The following CHMP1A variants were observed in gnomAD, a reference collection of about 807,000 sequenced individuals.
CHMP1A encodes the protein VPS46 homolog A.
In CHMP1A, 17 loss-of-function variants were observed where a neutral mutation model predicts 27.0. The observed-to-expected ratio is 0.63, with a 90% CI of 0.43 to 0.95. The LOEUF (loss-of-function observed/expected upper bound fraction) is 0.95, where lower values mean the gene tolerates loss of function less well. Ranked by LOEUF, CHMP1A falls within the 40% of genes least tolerant of loss-of-function variation. CHMP1A has a pLI of 0.00. For missense variants in CHMP1A, 275 were observed against 264.0 expected, an observed-to-expected ratio of 1.04 and a Z score of -0.29; for synonymous variants, 131 against 107.5, an observed-to-expected ratio of 1.22 and a Z score of -1.35.
chr16:89,653,941 A>G lies in CHMP1A; in HGVS notation c.8-18T>C. The G allele has an allele frequency of 1.2e-6, 2 of 1,613,014 alleles. No homozygotes were observed. The highest frequency in any genetic ancestry group is 1.7e-6 in the Non-Finnish European group (2 of 1,179,156). The stretch of plus-strand genomic sequence containing the variant: ...CAGGGTATCTGCAAAGAAAGAGGGA[A>G]TTAATGGTTTGAGGATTGGGAATGG... On this transcript the variant is annotated intron_variant, in intron 1 of 6. Transcript: ENST00000397901.
intron 1 of CHMP1A, among the ~76,000 whole-genome samples, chr16:89,654,654 A>T (rs780251463): frequency 1.3e-5 from 2 of 150,632 alleles, no homozygotes; most frequent in Admixed American, 6.6e-5. Context: ...AAAAATATAT[A>T]TTTTTTTGCC....
At chr16:89,651,333 T>C (rs544657072) in intron 3 of CHMP1A, among the ~76,000 whole-genome samples, 1 of 152,144 alleles carries the variant, frequency 6.6e-6, no homozygotes, top group Non-Finnish European at 1.5e-5. Context: ...ATCGCACCTG[T>C]GCACTCCAGC....
At chr16:89,653,966 G>T (rs1353053748) in intron 1 of CHMP1A, 43 bp from the exon 2 acceptor site, 1 of 1,605,286 alleles carries the variant, frequency 6.2e-7, no homozygotes, top group Admixed American at 1.7e-5. Flanking sequence ...ATTGGGAATG[G>T]GACGTTACAC....
intron 2 of CHMP1A, among the ~76,000 whole-genome samples, chr16:89,652,591 A>T (rs1396285712): frequency 2.0e-5 from 3 of 151,154 alleles, no homozygotes; most frequent in Admixed American, 1.3e-4. Context: ...CACCTCGAGG[A>T]AACAGGGCCT....
At position 89,657,670 on chromosome 16, in the gene CHMP1A, CCGA is replaced by C; in HGVS notation, c.-85_-83del. 6.4e-7 allele frequency: 1 copy of C among 1,567,110 alleles called. No homozygotes were observed. The highest frequency in any genetic ancestry group is 8.7e-7 in the Non-Finnish European group (1 of 1,146,496). Reference sequence around the variant, plus strand: ...GTGTCAGGTCCCGGCGGCGATCGAACCGACCAAGCTGCACCCGGCGGGGACTTC... The same window carrying C: ...GTGTCAGGTCCCGGCGGCGATCGAACCCAAGCTGCACCCGGCGGGGACTTC... On this transcript the variant is annotated 5_prime_UTR_variant, in exon 1 of 7. Transcript: ENST00000397901.
At position 89,651,461 on chromosome 16, in the gene CHMP1A, T is replaced by C. The variant is rs919633068; in HGVS notation, c.105+108A>G. ...TTAAATCATGATGTAGAAAGTGCCC[T>C]GCCCCTCCCCAAAAGGCATCAAAAC... On this transcript the variant is annotated intron_variant, in intron 3 of 6. Transcript: ENST00000397901. The C allele has an allele frequency of 4.4e-5, 36 of 820,442 alleles. No homozygotes were observed. The African/African-American group carries it at 5.6e-4, about 13-fold the overall frequency. 50.8% of individuals were successfully genotyped at this position (820,442 alleles called of 1,614,324 possible).
Position 89,646,174 on chromosome 16 carries a change from T to A in CHMP1A, c.570-87A>T, listed in dbSNP as rs879072292. On this transcript the variant is annotated intron_variant, in intron 6 of 6. Transcript: ENST00000397901. ...CTCCCAGCACAGGTGACCCTTTTCC[T>A]CCTCAGTGTCCTGAGATAACATGAG... The A allele has an allele frequency of 1.6e-5, 20 of 1,220,408 alleles. No individual in the cohort carries two copies. The South Asian group carries it at 2.7e-4, about 16-fold the overall frequency. The allele number at this position is 1,220,408 out of a possible 1,614,324, so 75.6% of individuals were successfully genotyped here. A position where few individuals can be genotyped will look rare whatever the true frequency, so the allele number is the denominator to read the frequency against.
chr16:89,655,659 T>C lies in CHMP1A; in HGVS notation c.8-1736A>G. ...TTTTTTTTTTGAGACGGAGTCTCAC[T>C]CTATCACCCAGGCTAGAGTGCAACG... is the stretch of plus-strand genomic sequence containing the variant. On this transcript the variant is annotated intron_variant, in intron 1 of 6. Transcript: ENST00000397901. 1.3e-5 allele frequency among the ~76,000 whole-genome samples: 2 copies of C among 151,608 alleles called. 1 individual carries two copies. The highest frequency in any genetic ancestry group is 3.9e-4 in the East Asian group (2 of 5,184).
chr16:89,651,554 C>G lies in CHMP1A; in HGVS notation c.105+15G>C. 6.2e-7 allele frequency: 1 copy of G among 1,612,132 alleles called. No individual in the cohort carries two copies. Among genetic ancestry groups the G allele is most frequent in the Admixed American group, 1.7e-5 (1 of 59,968 alleles). ...AACCAGGAGAGTCATGACCCCACAGCCCCCAGGGTCTCACCTTCTTCACTT... is the reference window on the plus strand; with the variant it reads ...AACCAGGAGAGTCATGACCCCACAGGCCCCAGGGTCTCACCTTCTTCACTT... On this transcript the variant is annotated intron_variant, in intron 3 of 6. Transcript: ENST00000397901.
chr16:89,652,967 C>T (rs566448597), intron 2 of CHMP1A, among the ~76,000 whole-genome samples: 86 of 151,658 alleles, frequency 5.7e-4, no homozygotes, highest in Admixed American at 1.4e-3. Context: ...AATGAGTCCA[C>T]ACAGCGGAAC....
chr16:89,653,020 C>CTTTTCTT lies in CHMP1A; in HGVS notation c.27+883_27+884insAAGAAAA, dbSNP rs1266826642. Among the ~76,000 whole-genome samples the CTTTTCTT allele has an allele frequency of 7.5e-4, 62 of 82,208 alleles. 4 individuals carry two copies. In the East Asian group the frequency reaches 0.023, roughly 31 times the overall value. 53.9% of individuals were successfully genotyped at this position (82,208 alleles called of 152,430 possible). ...AAGTTGTCTTTTTTTTTTTTCTTTTCTTTTTTTTTTTTTTTTTTTGAGACG... is the reference window on the plus strand; with the variant it reads ...AAGTTGTCTTTTTTTTTTTTCTTTTCTTTTCTTTTTTTTTTTTTTTTTTTTTGAGACG... On this transcript the variant is annotated intron_variant, in intron 2 of 6. Coordinates refer to ENST00000397901, the MANE Select transcript of CHMP1A (RefSeq NM_002768.5).
intron 3 of CHMP1A, among the ~76,000 whole-genome samples, chr16:89,650,121 G>GT (rs2151514282): frequency 6.6e-6 from 1 of 152,320 alleles, no homozygotes; most frequent in Admixed American, 6.5e-5. Flanking sequence ...CCAATACGCT[G>GT]GGACCTACTT....
chr16:89,646,423 C>T lies in CHMP1A; in HGVS notation c.569+104G>A, dbSNP rs186254603. 3.0e-3 allele frequency: 3,828 copies of T among 1,287,392 alleles called. 8 individuals carry two copies. Among genetic ancestry groups the T allele is most frequent in the Non-Finnish European group, 3.7e-3 (3,446 of 938,976 alleles). 79.7% of individuals were successfully genotyped at this position (1,287,392 alleles called of 1,614,324 possible). ...GAGATCAGGGCTCCCTGGTCGGAGC[C>T]TCAGCCCAAGCTCTCCTCCAGCCTC... On this transcript the variant is annotated intron_variant, in intron 6 of 6. Coordinates refer to ENST00000397901, the MANE Select transcript of CHMP1A (RefSeq NM_002768.5).
At position 89,653,920 on chromosome 16, in the gene CHMP1A, G is replaced by A. The variant is rs1458640465; in HGVS notation, c.11C>T (p.Thr4Ile). Reference sequence around the variant, plus strand: ...GGTACATACCTTCAACTGGAACAGGGTATCTGCAAAGAAAGAGGGAATTAA... The same window carrying A: ...GGTACATACCTTCAACTGGAACAGGATATCTGCAAAGAAAGAGGGAATTAA... MDDTLFQLKFTAKQ... is the reference protein window; with the variant it reads MDDILFQLKFTAKQ... The change falls in exon 2 of 7, where the codon ACC (threonine) becomes ATC (isoleucine). Residue 4 changes from threonine to isoleucine, a missense_variant. Physicochemically the swap from Thr to Ile is moderately conservative, Grantham distance 89. Coordinates refer to ENST00000397901, the MANE Select transcript of CHMP1A (RefSeq NM_002768.5). The A allele has an allele frequency of 3.1e-6, 5 of 1,613,554 alleles. No homozygotes were observed. The African/African-American group carries it at 4.0e-5, about 13-fold the overall frequency.
intron 3 of CHMP1A, among the ~76,000 whole-genome samples, chr16:89,650,755 G>A (rs764677700): frequency 2.5e-4 from 38 of 151,644 alleles, no homozygotes; most frequent in Admixed American, 5.9e-4. Flanking sequence ...GCAGTGAGCC[G>A]AGACCGCACC....
In CHMP1A at chr16:89,649,536, GGT is replaced by G. The variant is rs778049589; in HGVS notation, c.106-41_106-40del. ...GGGAAAGCAGCTGGAAGAGCTTGGT[GGT>G]GTGTGTGCCCCCTGCTAGGAGCCCA... is the stretch of plus-strand genomic sequence containing the variant. On this transcript the variant is annotated intron_variant, in intron 3 of 6. Coordinates refer to ENST00000397901, the MANE Select transcript of CHMP1A (RefSeq NM_002768.5). 8 of 1,611,708 alleles carry G rather than the reference GGT, an allele frequency of 5.0e-6. No individual in the cohort carries two copies. In the Admixed American group the frequency reaches 1.3e-4, roughly 27 times the overall value.
At chr16:89,646,739 C>A (rs764751943) in intron 5 of CHMP1A, 25 bp from the exon 6 acceptor site, 4 of 1,601,918 alleles carry the variant, frequency 2.5e-6, no homozygotes, top group African/African-American at 1.3e-5. Context: ...ATGCTCTGGA[C>A]AACAGGTGGG....
At chr16:89,649,965 C>A (rs1047300410) in intron 3 of CHMP1A, among the ~76,000 whole-genome samples, 5 of 152,120 alleles carry the variant, frequency 3.3e-5, no homozygotes, top group Admixed American at 3.3e-4. Context: ...GCCCAGCCCC[C>A]CAAGCAGGCT....
Position 89,645,705 on chromosome 16 carries a change from G to C in CHMP1A, c.*361C>G, listed in dbSNP as rs892786551. On this transcript the variant is annotated 3_prime_UTR_variant, in exon 7 of 7. Coordinates refer to ENST00000397901, the MANE Select transcript of CHMP1A (RefSeq NM_002768.5). ...GCCTCAGGGAGTTGTTTGGCAACAG[G>C]GCAGCCCTGACCCCCTCTGGCTGAT... is the stretch of plus-strand genomic sequence containing the variant. The C allele has an allele frequency of 4.4e-5, 18 of 410,578 alleles. No individual in the cohort carries two copies. The highest frequency in any genetic ancestry group is 8.0e-5 in the Non-Finnish European group (18 of 225,464). 25.4% of individuals were successfully genotyped at this position (410,578 alleles called of 1,614,324 possible).
Sources: gnomAD v4.1 joint callset for allele counts (sites outside exome capture counted in the v4.1 genomes callset) on GRCh38, gnomAD v4.1.1 for gene constraint, MANE v1.5 for transcripts, NCBI Gene and HGNC (gene_info 2026-07-23, HGNC 2026-07-21) for gene names.